CWC15: variants seen among roughly 807,000 people sequenced by gnomAD.
CWC15 encodes the protein CWC15 spliceosome associated protein.
Under a neutral mutation model 28.4 loss-of-function variants are expected in CWC15, and 12 were observed. The observed-to-expected ratio is 0.42, with a 90% CI of 0.27 to 0.69. CWC15 has a LOEUF of 0.69. Among genes scored for constraint, CWC15 ranks in the 30% least tolerant of loss-of-function variants. The pLI is 0.23. For missense variants in CWC15, 192 were observed against 271.5 expected (o/e 0.71, Z 2.06); for synonymous variants, 92 against 88.4 (o/e 1.04, Z -0.23).
intron 5 of CWC15, among the ~76,000 whole-genome samples, chr11:94,967,899 T>C (rs371193822): frequency 6.6e-6 from 1 of 152,144 alleles, no homozygotes; most frequent in African/African-American, 2.4e-5. Flanking sequence ...ACTAGAAAAA[T>C]AGGAGCTTAA....
chr11:94,971,308 T>A, intron 3 of CWC15, 67 bp downstream of exon 3: 2 of 1,295,246 alleles, frequency 1.5e-6, no homozygotes, highest in Non-Finnish European at 1.1e-6. Context: ...ATTTTCCAAT[T>A]GCTACATAAA....
intron 5 of CWC15, among the ~76,000 whole-genome samples, 152 bp from the exon 6 acceptor site, chr11:94,966,565 T>C (rs1854925793): frequency 7.0e-6 from 1 of 143,208 alleles, no homozygotes; most frequent in Non-Finnish European, 1.6e-5. Flanking sequence ...TTTTTTTTGG[T>C]TTTTGAGGCA....
intron 2 of CWC15, 31 bp downstream of exon 2, chr11:94,972,024 T>G: frequency 6.3e-7 from 1 of 1,595,166 alleles, no homozygotes; most frequent in Non-Finnish European, 8.6e-7. Context: ...GGTCTTGTTT[T>G]GTGAACAATA....
intron 1 of CWC15, among the ~76,000 whole-genome samples, chr11:94,973,050 G>A (rs1418572158): frequency 7.9e-5 from 12 of 151,508 alleles, no homozygotes; most frequent in Non-Finnish European, 1.0e-4. Context: ...GATTTTTTGG[G>A]GGGGGGGCGA....
intron 6 of CWC15, 65 bp downstream of exon 6, chr11:94,966,230 C>T (rs1209412342): frequency 4.3e-4 from 54 of 124,594 alleles, no homozygotes; most frequent in South Asian, 8.9e-4. Context: ...CACATATACA[C>T]ACACACACAC....
At position 94,966,402 on chromosome 11, in the gene CWC15, T is replaced by C. The variant is rs1555095307; in HGVS notation, c.453A>G (p.Gln151=). The change falls in exon 6 of 7, where the codon CAA becomes CAG. Residue 151 remains glutamine, a synonymous_variant. Transcript: ENST00000279839. ...AEEQARKEQE[Q]KAEEERIRME... ...TACGAATCCTCTCTTCTTCAGCTTTTTGTTCTTGTTCCTGTCAATGATAAA... is the reference window on the plus strand; with the variant it reads ...TACGAATCCTCTCTTCTTCAGCTTTCTGTTCTTGTTCCTGTCAATGATAAA... 1.3e-6 allele frequency: 2 copies of C among 1,550,598 alleles called. No individual in the cohort carries two copies.
intron 1 of CWC15, chr11:94,973,188 C>T (rs1351651528): frequency 6.6e-6 from 1 of 152,382 alleles, no homozygotes. Context: ...CTCCCGTGAG[C>T]TAGTCTTTGG....
chr11:94,963,413 T>C lies in CWC15; in HGVS notation c.662A>G (p.Lys221Arg). 6.3e-7 allele frequency: 1 copy of C among 1,582,662 alleles called. No individual in the cohort carries two copies. The highest frequency in any genetic ancestry group is 1.1e-5 in the South Asian group (1 of 87,332). The part of the protein sequence containing the change: ...VNDTLRSEFH[K>R]KFMEKYIK ...TTTAATATATTTCTCCATGAACTTTTTGTGAAATTCAGATCGCAGTGTGTC... is the reference window on the plus strand; with the variant it reads ...TTTAATATATTTCTCCATGAACTTTCTGTGAAATTCAGATCGCAGTGTGTC... Residue 221 changes from lysine (K) to arginine (R), a missense_variant, in exon 7 of 7, where the codon AAA becomes AGA. Transcript: ENST00000279839.
intron 5 of CWC15, among the ~76,000 whole-genome samples, chr11:94,967,589 T>C (rs965410466): frequency 6.6e-6 from 1 of 152,204 alleles, no homozygotes; most frequent in Non-Finnish European, 1.5e-5. Context: ...AAACAGATGG[T>C]GTGGAAGTCA....
chr11:94,969,858 T>C, intron 5 of CWC15, 131 bp downstream of exon 5: 6 of 472,484 alleles, frequency 1.3e-5, no homozygotes, highest in Non-Finnish European at 1.5e-5. Context: ...TTTATAGATC[T>C]ACAAGTGCTA....
rs781947962 is a variant in CWC15, at chr11:94,966,279, C to T, written c.560+16G>A. ...CACACACACACACACTCCATTACTC[C>T]GTTACTGTATAGTACCTTCTTTTAA... On this transcript the variant is annotated intron_variant, in intron 6 of 6. Coordinates refer to ENST00000279839, the MANE Select transcript of CWC15 (RefSeq NM_016403.4). The T allele has an allele frequency of 5.1e-5, 62 of 1,207,848 alleles. No homozygotes were observed. The highest frequency in any genetic ancestry group is 2.2e-4 in the Admixed American group (11 of 49,444). The allele number at this position is 1,207,848 out of a possible 1,614,324, so 74.8% of individuals were successfully genotyped here. A position where few individuals can be genotyped will look rare whatever the true frequency, so the allele number is the denominator to read the frequency against.
chr11:94,968,479 A>C (rs16921230), intron 5 of CWC15, among the ~76,000 whole-genome samples: 6,092 of 152,312 alleles, frequency 0.04, 167 homozygotes, highest in Admixed American at 0.099. Context: ...TCCTCCCTCA[A>C]GGTCAACCAA....
intron 5 of CWC15, 99 bp downstream of exon 5, chr11:94,969,890 G>A (rs1185622738): frequency 3.3e-6 from 2 of 598,798 alleles, no homozygotes; most frequent in African/African-American, 1.9e-5. Context: ...CACGGTAAAG[G>A]AGATTTCTAA....
At chr11:94,971,341 T>C in intron 3 of CWC15, 34 bp downstream of exon 3, 1 of 1,510,428 alleles carries the variant, frequency 6.6e-7, no homozygotes, top group Non-Finnish European at 9.1e-7. Flanking sequence ...ACAACATAAT[T>C]TTATGAGACA....
At chr11:94,967,942 G>C (rs1048178515) in intron 5 of CWC15, among the ~76,000 whole-genome samples, 24 of 152,166 alleles carry the variant, frequency 1.6e-4, no homozygotes, top group African/African-American at 5.8e-4. Context: ...TAATGTGTAT[G>C]ACATATAAAG....
At chr11:94,971,519 T>A in intron 2 of CWC15, 32 bp from the exon 3 acceptor site, 2 of 1,253,362 alleles carry the variant, frequency 1.6e-6, no homozygotes, top group Non-Finnish European at 2.3e-6. Context: ...GCAAAAATGT[T>A]ACTTAAACAC....
chr11:94,968,860 G>C (rs1354961518), intron 5 of CWC15, among the ~76,000 whole-genome samples: 4 of 152,102 alleles, frequency 2.6e-5, no homozygotes, highest in African/African-American at 9.7e-5. Flanking sequence ...TTTAAAAACA[G>C]AACAATTCTT....
At chr11:94,965,292 T>G (rs1408226060) in intron 6 of CWC15, among the ~76,000 whole-genome samples, 1 of 152,278 alleles carries the variant, frequency 6.6e-6, no homozygotes, top group Non-Finnish European at 1.5e-5. Flanking sequence ...TGTGGTTCCT[T>G]GACGAATGCA....
intron 3 of CWC15, 44 bp downstream of exon 3, chr11:94,971,331 A>G: frequency 6.8e-7 from 1 of 1,468,814 alleles, no homozygotes; most frequent in Non-Finnish European, 9.4e-7. Context: ...AAAACTATCA[A>G]CAACATAATT....
Sources: allele counts gnomAD v4.1 joint callset (sites outside exome capture counted in the v4.1 genomes callset), GRCh38; gene constraint gnomAD v4.1.1; transcripts MANE v1.5; gene names NCBI Gene and HGNC (gene_info 2026-07-23, HGNC 2026-07-21).